The following RPS6KC1 variants were observed in gnomAD, a reference collection of about 807,000 sequenced individuals.
RPS6KC1 encodes inactive ribosomal protein S6 kinase delta-1.
RPS6KC1 carries 54 observed loss-of-function variants against 103.8 expected under a neutral mutation model. The ratio of observed to expected loss-of-function variants is 0.52; its 90% CI spans 0.42 to 0.65. RPS6KC1 has a LOEUF of 0.65. Ranked by LOEUF, RPS6KC1 falls within the 30% of genes least tolerant of loss-of-function variation. The pLI is 0.00. For missense variants in RPS6KC1, 1,151 were observed against 1,253.8 expected, an observed-to-expected ratio of 0.92 and a Z score of 1.24; for synonymous variants, 439 against 438.7, an observed-to-expected ratio of 1.00 and a Z score of -0.01.
At chr1:213,511,703 C>T in the RPS6KC1 span, among the ~76,000 whole-genome samples, 1 of 152,168 alleles carries the variant, frequency 6.6e-6, no homozygotes, top group Non-Finnish European at 1.5e-5. Flanking sequence ...GACTGTCCTG[C>T]CCATGCCTGG....
chr1:213,168,008 T>C (rs779498093), intron 7 of RPS6KC1, 35 bp downstream of exon 7: 1 of 1,419,548 alleles, frequency 7.0e-7, no homozygotes, highest in Non-Finnish European at 9.9e-7. Context: ...TTTTCTTCAG[T>C]GATTTTTTGC....
chr1:213,648,123 G>T, the RPS6KC1 span, among the ~76,000 whole-genome samples: 1 of 152,114 alleles, frequency 6.6e-6, no homozygotes, highest in Non-Finnish European at 1.5e-5. Context: ...ATCAAGCAAA[G>T]CACCATGTAT....
chr1:213,229,705 TA>T (rs765772992), intron 8 of RPS6KC1, among the ~76,000 whole-genome samples: 11 of 152,136 alleles, frequency 7.2e-5, no homozygotes, highest in Non-Finnish European at 1.0e-4. Flanking sequence ...ATGAGTAGTT[TA>T]GGGGGGCAAT....
the RPS6KC1 span, among the ~76,000 whole-genome samples, chr1:213,764,956 G>C: frequency 6.6e-6 from 1 of 152,154 alleles, no homozygotes; most frequent in South Asian, 2.1e-4. Flanking sequence ...TAGGGGGCAG[G>C]GGTGGGGTGT....
At chr1:213,267,686 T>C (rs1320180270) in intron 14 of RPS6KC1, among the ~76,000 whole-genome samples, 1 of 151,708 alleles carries the variant, frequency 6.6e-6, no homozygotes, top group African/African-American at 2.4e-5. Flanking sequence ...CAAAAATGAA[T>C]CAACAAAGAG....
At chr1:213,818,671 A>T in the RPS6KC1 span, 1 of 152,212 alleles carries the variant, frequency 6.6e-6, no homozygotes, top group Non-Finnish European at 1.5e-5. Flanking sequence ...TGGCTTAAGG[A>T]GGTGGTTCCA....
intron 8 of RPS6KC1, among the ~76,000 whole-genome samples, chr1:213,202,606 C>A (rs1272966942): frequency 6.6e-6 from 1 of 152,056 alleles, no homozygotes; most frequent in Non-Finnish European, 1.5e-5. Context: ...GAGTGAGACT[C>A]AGTCTCAAAA....
the RPS6KC1 span, among the ~76,000 whole-genome samples, chr1:213,660,804 T>G: frequency 3.3e-5 from 5 of 152,220 alleles, no homozygotes; most frequent in African/African-American, 1.2e-4. Flanking sequence ...CCCCCATGTA[T>G]GCAGTAGGGC....
At chr1:213,501,526 T>C in the RPS6KC1 span, among the ~76,000 whole-genome samples, 1 of 152,024 alleles carries the variant, frequency 6.6e-6, no homozygotes, top group Non-Finnish European at 1.5e-5. Flanking sequence ...ATAGTAGTCT[T>C]ATAAAGAAAA....
intron 7 of RPS6KC1, among the ~76,000 whole-genome samples, chr1:213,175,170 C>T (rs2091782770): frequency 6.6e-6 from 1 of 152,150 alleles, no homozygotes; most frequent in Non-Finnish European, 1.5e-5. Flanking sequence ...CCTCCTTTCT[C>T]TCTCCTCTCC....
intron 3 of RPS6KC1, among the ~76,000 whole-genome samples, chr1:213,097,238 C>T (rs1161745771): frequency 7.2e-5 from 11 of 152,130 alleles, no homozygotes; most frequent in African/African-American, 4.8e-5. Flanking sequence ...CCTGTAATCC[C>T]GGCTAATCAG....
At chr1:213,224,046 A>T (rs2093901230) in intron 8 of RPS6KC1, among the ~76,000 whole-genome samples, 1 of 152,122 alleles carries the variant, frequency 6.6e-6, no homozygotes, top group East Asian at 1.9e-4. Flanking sequence ...CACTGAAGGG[A>T]ACTCTCCACA....
the RPS6KC1 span, among the ~76,000 whole-genome samples, chr1:213,711,703 C>T: frequency 3.9e-5 from 6 of 152,068 alleles, no homozygotes; most frequent in Admixed American, 6.6e-5. Context: ...TTTGCATGGT[C>T]GTCCTTTTTG....
the RPS6KC1 span, among the ~76,000 whole-genome samples, chr1:213,782,881 C>T: frequency 7.2e-5 from 11 of 152,302 alleles, no homozygotes; most frequent in East Asian, 1.2e-3. Context: ...CCACATGGGA[C>T]GCAGACAGGC....
the RPS6KC1 span, among the ~76,000 whole-genome samples, chr1:213,671,821 AATG>A: frequency 6.6e-6 from 1 of 152,148 alleles, no homozygotes. Flanking sequence ...AAAACAAAGA[AATG>A]ATAACTATTC....
At chr1:213,661,186 C>T in the RPS6KC1 span, among the ~76,000 whole-genome samples, 2 of 152,124 alleles carry the variant, frequency 1.3e-5, no homozygotes, top group Non-Finnish European at 2.9e-5. Flanking sequence ...AGACATGCAG[C>T]CTTTTTTGAA....
the RPS6KC1 span, among the ~76,000 whole-genome samples, chr1:213,407,248 GC>G: frequency 7.5e-5 from 11 of 147,396 alleles, no homozygotes; most frequent in Non-Finnish European, 1.2e-4. Flanking sequence ...ACACACACAC[GC>G]AGAGAGAGAG....
chr1:213,569,103 G>A, the RPS6KC1 span, among the ~76,000 whole-genome samples: 1 of 152,112 alleles, frequency 6.6e-6, no homozygotes, highest in Admixed American at 6.5e-5. Flanking sequence ...TGGGCTTGGG[G>A]ATAAAGTTTT....
the RPS6KC1 span, among the ~76,000 whole-genome samples, chr1:213,668,412 C>T: frequency 7.6e-6 from 1 of 131,804 alleles, no homozygotes; most frequent in African/African-American, 2.7e-5. Context: ...ACCACCCCCA[C>T]CCCCACCCCG....
Sources: allele counts gnomAD v4.1 joint callset (sites outside exome capture counted in the v4.1 genomes callset), GRCh38; gene constraint gnomAD v4.1.1; transcripts MANE v1.5; gene names NCBI Gene and HGNC (gene_info 2026-07-23, HGNC 2026-07-21).